Variants in UNC13C observed in about 807,000 individuals in gnomAD.
UNC13C encodes the protein protein unc-13 homolog C.
In UNC13C, 174 loss-of-function variants were observed where a neutral mutation model predicts 245.4. The ratio of observed to expected loss-of-function variants is 0.71; its 90% CI spans 0.63 to 0.80. The LOEUF (loss-of-function observed/expected upper bound fraction) is 0.80, where lower values mean the gene tolerates loss of function less well. UNC13C is among the 30% of genes least tolerant of loss of function. UNC13C has a pLI of 0.00. For synonymous variants in UNC13C, 992 were observed against 895.1 expected (o/e 1.11, Z -1.93); for missense variants, 2,829 against 2,602.9 (o/e 1.09, Z -1.89).
In UNC13C at chr15:54,287,770, G is replaced by A. The variant is rs145914470; in HGVS notation, c.3819-6125G>A. Among the ~76,000 whole-genome samples, 261 of 152,236 alleles carry A rather than the reference G, an allele frequency of 1.7e-3. 1 individual carries two copies. The highest frequency in any genetic ancestry group is 6.1e-3 in the African/African-American group (252 of 41,546). ...ATAAAACTAAAAAAGGGAAGGAGGGGAGTGGTTTGAAAGATTGTTGTATGA... is the reference window on the plus strand; with the variant it reads ...ATAAAACTAAAAAAGGGAAGGAGGGAAGTGGTTTGAAAGATTGTTGTATGA... On this transcript the variant is annotated intron_variant, in intron 10 of 32. Transcript: ENST00000260323.
chr15:53,848,687 C>G, the UNC13C span, among the ~76,000 whole-genome samples: 1 of 152,028 alleles, frequency 6.6e-6, no homozygotes, highest in Admixed American at 6.6e-5. Context: ...ATTTCTCTGC[C>G]TTCTTGTTCT....
intron 2 of UNC13C, among the ~76,000 whole-genome samples, chr15:54,073,619 G>A (rs1469232929): frequency 6.6e-6 from 1 of 152,102 alleles, no homozygotes; most frequent in Non-Finnish European, 1.5e-5. Flanking sequence ...CATTTGCGTT[G>A]CTCTAATAAC....
At chr15:54,579,306 T>G (rs1898100403) in intron 30 of UNC13C, among the ~76,000 whole-genome samples, 1 of 152,178 alleles carries the variant, frequency 6.6e-6, no homozygotes, top group Admixed American at 6.5e-5. Flanking sequence ...GATATTTATT[T>G]TTGAATTATA....
chr15:54,027,646 C>T (rs907790111), intron 2 of UNC13C, among the ~76,000 whole-genome samples: 2 of 152,212 alleles, frequency 1.3e-5, no homozygotes, highest in African/African-American at 2.4e-5. Flanking sequence ...GCTGGGATCA[C>T]AGACGTAAGC....
At chr15:53,900,210 A>G in the UNC13C span, among the ~76,000 whole-genome samples, 1 of 152,104 alleles carries the variant, frequency 6.6e-6, no homozygotes, top group Non-Finnish European at 1.5e-5. Context: ...ATTTTTTAGT[A>G]TTAAAATATA....
chr15:53,944,610 A>G, the UNC13C span, among the ~76,000 whole-genome samples: 1 of 152,236 alleles, frequency 6.6e-6, no homozygotes. Flanking sequence ...TTGTTGCTGT[A>G]TAGTATATAT....
At chr15:54,136,645 C>CT in intron 2 of UNC13C, among the ~76,000 whole-genome samples, 1 of 152,134 alleles carries the variant, frequency 6.6e-6, no homozygotes, top group South Asian at 2.1e-4. Flanking sequence ...GAAAATCTTT[C>CT]AGCTTTTCAC....
chr15:54,460,194 G>A (rs1327621528), intron 19 of UNC13C, among the ~76,000 whole-genome samples: 1 of 152,224 alleles, frequency 6.6e-6, no homozygotes, highest in Non-Finnish European at 1.5e-5. Context: ...GGGCTACTGA[G>A]CTCTGGGCTT....
rs4633657 is a variant in UNC13C, at chr15:54,277,776, A to C, written c.3818+12280A>C. Among the ~76,000 whole-genome samples, 4 of 152,210 alleles carry C rather than the reference A, an allele frequency of 2.6e-5. No homozygotes were observed. The East Asian group carries it at 7.7e-4, about 29-fold the overall frequency. ...TAATTCAGTTGTATTTTTCAATTGCATGTTCAATCACAAGGATTGAGATGA... is the reference window on the plus strand; with the variant it reads ...TAATTCAGTTGTATTTTTCAATTGCCTGTTCAATCACAAGGATTGAGATGA... On this transcript the variant is annotated intron_variant, in intron 10 of 32. Coordinates refer to ENST00000260323, the MANE Select transcript of UNC13C (RefSeq NM_001080534.3).
rs1228505273 is a variant in UNC13C, at chr15:54,626,883, G to A, written c.6415G>A (p.Asp2139Asn). The A allele has an allele frequency of 6.2e-7, 1 of 1,613,204 alleles. No homozygotes were observed. Among genetic ancestry groups the A allele is most frequent in the Non-Finnish European group, 8.5e-7 (1 of 1,179,530 alleles). ...GAYELHLSVK[D>N]YCFAREDRII... ...TTATGAACTTCATCTCTCAGTTAAG[G>A]ATTACTGCTTTGCCAGAGAAGATCG... The change falls in exon 33 of 33, where the codon GAT (aspartate) becomes AAT (asparagine). Residue 2139 changes from aspartate (D) to asparagine (N), a missense_variant. Asp to Asn is a conservative substitution (Grantham distance 23). Transcript: ENST00000260323.
At chr15:54,365,098 G>T (rs1407913191) in intron 17 of UNC13C, among the ~76,000 whole-genome samples, 1 of 151,762 alleles carries the variant, frequency 6.6e-6, no homozygotes, top group Non-Finnish European at 1.5e-5. Context: ...CTCCCCGTCA[G>T]ATCTGCAAAG....
At chr15:54,447,442 AT>A (rs1359172378) in intron 19 of UNC13C, among the ~76,000 whole-genome samples, 1 of 152,150 alleles carries the variant, frequency 6.6e-6, no homozygotes, top group East Asian at 1.9e-4. Flanking sequence ...TATTGCCTCA[AT>A]TTCAGAGCCT....
At chr15:54,187,262 A>G (rs2034023482) in intron 4 of UNC13C, among the ~76,000 whole-genome samples, 2 of 152,076 alleles carry the variant, frequency 1.3e-5, no homozygotes, top group Admixed American at 1.3e-4. Flanking sequence ...GACTTTTACC[A>G]TGCTGTCTTA....
chr15:53,860,735 G>A, the UNC13C span, among the ~76,000 whole-genome samples: 4 of 151,998 alleles, frequency 2.6e-5, no homozygotes, highest in Non-Finnish European at 4.4e-5. Context: ...TGAATATGTC[G>A]ATAATTTTAA....
chr15:54,009,547 C>CTTTTTTT (rs368634860), intron 1 of UNC13C, among the ~76,000 whole-genome samples: 2 of 143,950 alleles, frequency 1.4e-5, no homozygotes, highest in Non-Finnish European at 3.0e-5. Context: ...TCTTCTTCTT[C>CTTTTTTT]TTCTTTTTTT....
intron 13 of UNC13C, among the ~76,000 whole-genome samples, chr15:54,313,664 A>C (rs1206122690): frequency 7.2e-5 from 11 of 151,846 alleles, no homozygotes; most frequent in Non-Finnish European, 1.6e-4. Flanking sequence ...TTGGGGAATA[A>C]GTCAAACAAA....
intron 19 of UNC13C, among the ~76,000 whole-genome samples, chr15:54,430,697 A>T (rs1223527059): frequency 6.6e-6 from 1 of 151,760 alleles, no homozygotes; most frequent in East Asian, 1.9e-4. Context: ...CTAACTGAAT[A>T]AAATTTTGCA....
intron 30 of UNC13C, among the ~76,000 whole-genome samples, chr15:54,591,155 G>T (rs1898765878): frequency 6.6e-6 from 1 of 152,144 alleles, no homozygotes. Context: ...CTTGGATCAT[G>T]GTGGATTATC....
chr15:53,931,972 C>G, the UNC13C span, among the ~76,000 whole-genome samples: 516 of 152,210 alleles, frequency 3.4e-3, 17 homozygotes, highest in East Asian at 0.06. Flanking sequence ...AAATACACCC[C>G]TCATGTCACT....
Sources: allele counts gnomAD v4.1 joint callset (sites outside exome capture counted in the v4.1 genomes callset), GRCh38; gene constraint gnomAD v4.1.1; transcripts MANE v1.5; gene names NCBI Gene and HGNC (gene_info 2026-07-23, HGNC 2026-07-21).